CPEB3: variants seen among roughly 807,000 people sequenced by gnomAD.
The protein encoded by CPEB3 is cytoplasmic polyadenylation element binding protein 3, also known as cytoplasmic polyadenylation element-binding protein 3.
Under a neutral mutation model 67.2 loss-of-function variants are expected in CPEB3, and 20 were observed. The ratio of observed to expected loss-of-function variants is 0.30; its 90% CI spans 0.21 to 0.43. CPEB3 has a LOEUF of 0.43. Ranked by LOEUF, CPEB3 falls within the 20% of genes least tolerant of loss-of-function variation. CPEB3 has a pLI of 1.00. For synonymous variants in CPEB3, 376 were observed against 393.1 expected (o/e 0.96, Z 0.51); for missense variants, 746 against 968.6 (o/e 0.77, Z 3.05).
intron 1 of CPEB3, among the ~76,000 whole-genome samples, chr10:92,254,220 C>A (rs562055066): frequency 1.4e-5 from 2 of 147,364 alleles, no homozygotes; most frequent in Admixed American, 6.6e-5. Flanking sequence ...CAGAGTGAGA[C>A]CCTGCCTTTA....
chr10:92,072,664 T>TTTTG (rs760333101), intron 9 of CPEB3, among the ~76,000 whole-genome samples: 3 of 152,206 alleles, frequency 2.0e-5, no homozygotes, highest in East Asian at 1.9e-4. Context: ...AAGCCAGTAC[T>TTTTG]TTTGTTTGTT....
chr10:92,145,712 T>C (rs978312469), intron 4 of CPEB3, among the ~76,000 whole-genome samples: 1 of 152,174 alleles, frequency 6.6e-6, no homozygotes, highest in Non-Finnish European at 1.5e-5. Context: ...ATTCAGTCTC[T>C]ATCATAGCTA....
At chr10:92,177,316 T>C (rs1848265435) in intron 4 of CPEB3, among the ~76,000 whole-genome samples, 1 of 152,220 alleles carries the variant, frequency 6.6e-6, no homozygotes, top group Non-Finnish European at 1.5e-5. Context: ...AAGGGGTATA[T>C]TGCCTCAGAA....
intron 6 of CPEB3, among the ~76,000 whole-genome samples, chr10:92,118,343 G>T (rs1845145342): frequency 6.6e-6 from 1 of 152,076 alleles, no homozygotes. Context: ...TGTTGGTCAG[G>T]CTGGTATCGA....
At chr10:92,284,096 T>C (rs1842429179) in intron 1 of CPEB3, among the ~76,000 whole-genome samples, 1 of 141,836 alleles carries the variant, frequency 7.1e-6, no homozygotes, top group South Asian at 2.3e-4. Flanking sequence ...TGGAGTGCAG[T>C]GGTGCAATCT....
chr10:92,185,684 A>G (rs7090737), intron 3 of CPEB3, among the ~76,000 whole-genome samples: 2,225 of 152,126 alleles, frequency 0.015, 56 homozygotes, highest in African/African-American at 0.05. Context: ...AGGCAAGTAC[A>G]TCAGAAAGCT....
In CPEB3 at chr10:92,182,908, T is replaced by C. The variant is rs577855804; in HGVS notation, c.1166-1889A>G. Among the ~76,000 whole-genome samples the C allele has an allele frequency of 5.3e-5, 8 of 151,796 alleles. 1 individual carries two copies. Among genetic ancestry groups the C allele is most frequent in the African/African-American group, 1.7e-4 (7 of 41,438 alleles). ...ACTTATATTGGTGTGTATGTATGTA[T>C]TGAATGAGAAAATCTTAAATACATC... On this transcript the variant is annotated intron_variant, in intron 3 of 9. Transcript: ENST00000265997.
intron 2 of CPEB3, among the ~76,000 whole-genome samples, chr10:92,223,200 G>A (rs1000386065): frequency 1.3e-5 from 2 of 152,144 alleles, no homozygotes; most frequent in Non-Finnish European, 2.9e-5. Flanking sequence ...GACTTAGAAT[G>A]GTAGTTGTTC....
intron 6 of CPEB3, among the ~76,000 whole-genome samples, chr10:92,133,359 T>C (rs1423602887): frequency 6.6e-6 from 1 of 152,032 alleles, no homozygotes; most frequent in Non-Finnish European, 1.5e-5. Context: ...CCCACAGAAA[T>C]ACAAACTACC....
At chr10:92,248,795 T>C (rs911199238) in intron 1 of CPEB3, among the ~76,000 whole-genome samples, 3 of 152,218 alleles carry the variant, frequency 2.0e-5, no homozygotes, top group Admixed American at 2.0e-4. Flanking sequence ...AAGATTATAA[T>C]AGACGCCCTG....
chr10:92,053,933 G>C (rs1215711834), intron 9 of CPEB3, among the ~76,000 whole-genome samples: 2 of 152,138 alleles, frequency 1.3e-5, no homozygotes, highest in African/African-American at 2.4e-5. Context: ...TGATCTGCCT[G>C]CCTCAGCCTC....
At chr10:92,230,001 G>A (rs1851188552) in intron 2 of CPEB3, among the ~76,000 whole-genome samples, 1 of 151,372 alleles carries the variant, frequency 6.6e-6, no homozygotes, top group South Asian at 2.1e-4. Flanking sequence ...AGCCGAGATC[G>A]CACCATTGCA....
chr10:92,214,247 C>T (rs560700924), intron 2 of CPEB3, among the ~76,000 whole-genome samples: 5 of 152,166 alleles, frequency 3.3e-5, no homozygotes, highest in Non-Finnish European at 7.4e-5. Context: ...CCAGCTTAGA[C>T]CCTTTTTGAC....
At chr10:92,191,968 C>T (rs2134172499) in intron 3 of CPEB3, among the ~76,000 whole-genome samples, 1 of 152,248 alleles carries the variant, frequency 6.6e-6, no homozygotes, top group South Asian at 2.1e-4. Context: ...TGTGATTTGG[C>T]CTCAGAGACT....
In CPEB3 at chr10:92,239,676, C is replaced by T. The variant is rs1475218590; in HGVS notation, c.675G>A (p.Ala225=). ...CGGCTGCGGCAGCAGCGGCTGCAAC[C>T]GCCGAAGACGAGGACGGCTTGCTGG... ...IMTSKPSSSS[A]VAAAAAAAAA... Residue 225 remains alanine (A), a synonymous_variant, in exon 2 of 10, where the codon GCG becomes GCA. Transcript: ENST00000265997. This position sits in a 1 kb window ranked among gnomAD's most constrained non-coding sequence, Gnocchi z 6.0. The T allele has an allele frequency of 5.7e-6, 9 of 1,567,322 alleles. No homozygotes were observed. In the African/African-American group the frequency reaches 9.5e-5, roughly 17 times the overall value.
At chr10:92,291,155 G>T, upstream of CPEB3, 1 of 425,034 alleles carries the variant, frequency 2.4e-6, no homozygotes, top group African/African-American at 2.1e-5. Flanking sequence ...GCGCACGGAG[G>T]CGGCGACTCT....
At chr10:92,255,215 T>C (rs1262035236) in intron 1 of CPEB3, among the ~76,000 whole-genome samples, 1 of 152,182 alleles carries the variant, frequency 6.6e-6, no homozygotes, top group African/African-American at 2.4e-5. Flanking sequence ...TCCTTCTAGT[T>C]TCCTTGAGAC....
At chr10:92,195,445 A>C (rs1849196925) in intron 2 of CPEB3, among the ~76,000 whole-genome samples, 1 of 152,226 alleles carries the variant, frequency 6.6e-6, no homozygotes, top group African/African-American at 2.4e-5. Flanking sequence ...AGTAAAGCTG[A>C]ATTTCCAGAA....
At chr10:92,183,629 C>T (rs1473717026) in intron 3 of CPEB3, among the ~76,000 whole-genome samples, 2 of 152,130 alleles carry the variant, frequency 1.3e-5, no homozygotes, top group Non-Finnish European at 2.9e-5. Context: ...CAATGATTAG[C>T]CAGTCACTGG....
Sources: allele counts gnomAD v4.1 joint callset (sites outside exome capture counted in the v4.1 genomes callset), GRCh38; gene constraint gnomAD v4.1.1; non-coding constraint Gnocchi (gnomAD v3.1); transcripts MANE v1.5; gene names NCBI Gene and HGNC (gene_info 2026-07-23, HGNC 2026-07-21).